The following APBB2 variants were observed in gnomAD, a reference collection of about 807,000 sequenced individuals.
The protein encoded by APBB2 is amyloid beta precursor protein binding family B member 2, also known as Fe65-like 1.
Under a neutral mutation model 82.5 loss-of-function variants are expected in APBB2, and 38 were observed. The observed-to-expected ratio is 0.46, with a 90% CI of 0.36 to 0.60. The LOEUF is 0.60. Ranked by LOEUF, APBB2 falls within the 20% of genes least tolerant of loss-of-function variation. The pLI, the probability that APBB2 is intolerant of heterozygous loss-of-function variation, is 0.00. For missense variants in APBB2, 772 were observed against 972.3 expected, an observed-to-expected ratio of 0.79 and a Z score of 2.74; for synonymous variants, 341 against 368.2, an observed-to-expected ratio of 0.93 and a Z score of 0.85.
chr4:41,156,861 T>G (rs1763589005), intron 1 of APBB2, among the ~76,000 whole-genome samples: 1 of 151,874 alleles, frequency 6.6e-6, no homozygotes, highest in Admixed American at 6.6e-5. Flanking sequence ...AGGTTAGGAG[T>G]TCGAGACCAG....
chr4:41,168,628 T>TA (rs1252158038), intron 1 of APBB2, among the ~76,000 whole-genome samples: 2 of 152,168 alleles, frequency 1.3e-5, no homozygotes, highest in African/African-American at 4.8e-5. Flanking sequence ...TATAGAAATT[T>TA]AAAAAAGAAA....
intron 3 of APBB2, among the ~76,000 whole-genome samples, chr4:41,070,114 G>C (rs1350502628): frequency 2.6e-5 from 4 of 152,136 alleles, no homozygotes; most frequent in Non-Finnish European, 5.9e-5. Context: ...ACCCACTTCA[G>C]TTTAACCTGC....
intron 1 of APBB2, among the ~76,000 whole-genome samples, chr4:41,201,022 T>C (rs887603083): frequency 3.3e-5 from 5 of 152,206 alleles, no homozygotes; most frequent in Admixed American, 1.3e-4. Context: ...TATTAGGAGA[T>C]TATAACAGTA....
chr4:41,202,292 T>C (rs1364210918), intron 1 of APBB2, among the ~76,000 whole-genome samples: 3 of 152,220 alleles, frequency 2.0e-5, no homozygotes, highest in African/African-American at 7.2e-5. Flanking sequence ...AGGCAATCCA[T>C]ACAAGTAGAA....
At chr4:41,202,361 T>G (rs1381413524) in intron 1 of APBB2, among the ~76,000 whole-genome samples, 1 of 152,234 alleles carries the variant, frequency 6.6e-6, no homozygotes, top group Non-Finnish European at 1.5e-5. Context: ...GCCAGTTCTC[T>G]TTTGTTCCCA....
chr4:40,936,085 C>G (rs1054806804), intron 7 of APBB2, among the ~76,000 whole-genome samples: 4 of 152,178 alleles, frequency 2.6e-5, no homozygotes, highest in Non-Finnish European at 5.9e-5. Context: ...AAGAAATCAA[C>G]CATCAAAACT....
At chr4:41,158,002 C>A (rs1400444289) in intron 1 of APBB2, among the ~76,000 whole-genome samples, 1 of 152,064 alleles carries the variant, frequency 6.6e-6, no homozygotes, top group Non-Finnish European at 1.5e-5. Context: ...AAAAACCAAA[C>A]AGTCAAACAA....
At chr4:41,199,840 G>A (rs1023011181) in intron 1 of APBB2, among the ~76,000 whole-genome samples, 5 of 152,170 alleles carry the variant, frequency 3.3e-5, no homozygotes, top group Middle Eastern at 3.2e-3. Context: ...CTCTACATCA[G>A]CTATACTTTG....
At chr4:40,995,804 G>C (rs980472074) in intron 6 of APBB2, among the ~76,000 whole-genome samples, 1 of 151,788 alleles carries the variant, frequency 6.6e-6, no homozygotes, top group South Asian at 2.1e-4. Flanking sequence ...CAAAGTACTG[G>C]GGATTACAGG....
intron 3 of APBB2, among the ~76,000 whole-genome samples, chr4:41,096,753 C>A (rs78466090): frequency 0.016 from 2,361 of 152,262 alleles, 38 homozygotes; most frequent in East Asian, 0.069. Flanking sequence ...CAATAAATAT[C>A]ATTATCGAAT....
rs530730537 is a variant in APBB2 at position 41,141,780 on chromosome 4, C to G, written c.-261+1207G>C. ...CAGGCAAAAAAAGACAGAGCTTGCGCAGAGAAACTCCTGTTTTTAAAACCA... is the reference window on the plus strand; with the variant it reads ...CAGGCAAAAAAAGACAGAGCTTGCGGAGAGAAACTCCTGTTTTTAAAACCA... On this transcript the variant is annotated intron_variant, in intron 2 of 17. Transcript: ENST00000508593. 3.9e-5 allele frequency among the ~76,000 whole-genome samples: 6 copies of G among 152,240 alleles called. No individual in the cohort carries two copies. In the South Asian group the frequency reaches 1.0e-3, roughly 26 times the overall value.
rs185505392 is a variant in APBB2, at chr4:40,816,839, A to G, written c.2113-580T>C. ...AAATAGGCCTAGCAACACAGAAGGC[A>G]TTCAGAAATGTTTGTTTCCTTCCCT... On this transcript the variant is annotated intron_variant, in intron 17 of 17. Coordinates refer to ENST00000508593, the MANE Select transcript of APBB2 (RefSeq NM_004307.2). Among the ~76,000 whole-genome samples the G allele has an allele frequency of 5.0e-3, 761 of 152,374 alleles. 4 individuals are homozygous for G. The highest frequency in any genetic ancestry group is 0.013 in the Admixed American group (205 of 15,306).
At chr4:40,954,448 C>A (rs1449793688) in intron 6 of APBB2, among the ~76,000 whole-genome samples, 3 of 152,128 alleles carry the variant, frequency 2.0e-5, no homozygotes, top group Non-Finnish European at 4.4e-5. Flanking sequence ...GTGCCAGACA[C>A]TGGTTTAAAG....
At chr4:41,179,339 CTAACA>C (rs1377892198) in intron 1 of APBB2, among the ~76,000 whole-genome samples, 1 of 152,148 alleles carries the variant, frequency 6.6e-6, no homozygotes, top group Non-Finnish European at 1.5e-5. Context: ...ACACTAACAC[CTAACA>C]TAAATCATAT....
chr4:41,144,960 A>T (rs1158706055), intron 1 of APBB2, among the ~76,000 whole-genome samples: 1 of 152,158 alleles, frequency 6.6e-6, no homozygotes, highest in African/African-American at 2.4e-5. Context: ...TCTCTACAAA[A>T]ATTTAAAAAA....
At chr4:40,968,194 G>A (rs781437079) in intron 6 of APBB2, among the ~76,000 whole-genome samples, 42 of 152,138 alleles carry the variant, frequency 2.8e-4, no homozygotes, top group African/African-American at 8.7e-4. Flanking sequence ...AACTGACTAC[G>A]GTCCCAGAGC....
At chr4:40,837,310 A>G (rs1754285359) in intron 12 of APBB2, among the ~76,000 whole-genome samples, 1 of 152,172 alleles carries the variant, frequency 6.6e-6, no homozygotes, top group South Asian at 2.1e-4. Flanking sequence ...ACCTTTGAGG[A>G]GCCTTCAGGT....
chr4:41,199,022 A>T (rs911751796), intron 1 of APBB2, among the ~76,000 whole-genome samples: 2 of 152,262 alleles, frequency 1.3e-5, no homozygotes, highest in Non-Finnish European at 2.9e-5. Context: ...TTCTTATAAG[A>T]AAACCAGTTA....
intron 2 of APBB2, among the ~76,000 whole-genome samples, chr4:41,117,613 T>C (rs751662142): frequency 1.3e-5 from 2 of 152,126 alleles, no homozygotes; most frequent in Non-Finnish European, 2.9e-5. Flanking sequence ...TCATCTTCTT[T>C]TCACAGGTGA....
Sources: gnomAD v4.1 joint callset for allele counts (sites outside exome capture counted in the v4.1 genomes callset) on GRCh38, gnomAD v4.1.1 for gene constraint, MANE v1.5 for transcripts, NCBI Gene and HGNC (gene_info 2026-07-23, HGNC 2026-07-21) for gene names.